PRKACA: variants seen among roughly 807,000 people sequenced by gnomAD.
PRKACA encodes the protein protein kinase cAMP-activated catalytic subunit alpha, also known as cAMP-dependent protein kinase catalytic subunit alpha.
A neutral mutation model predicts 45.8 loss-of-function variants in PRKACA; 9 were observed. That is an observed-to-expected ratio of 0.20 (90% CI 0.12 to 0.34). The LOEUF (loss-of-function observed/expected upper bound fraction) is 0.34, where lower values mean the gene tolerates loss of function less well. PRKACA is among the 10% of genes least tolerant of loss of function. The pLI, the probability that PRKACA is intolerant of heterozygous loss-of-function variation, is 1.00. For synonymous variants in PRKACA, 160 were observed against 178.6 expected (o/e 0.90, Z 0.83); for missense variants, 238 against 458.6 (o/e 0.52, Z 4.39).
At chr19:14,093,593 C>A in intron 9 of PRKACA, 35 bp downstream of exon 9, 1 of 1,599,188 alleles carries the variant, frequency 6.3e-7, no homozygotes, top group South Asian at 1.1e-5. Context: ...GGCCTGCTCC[C>A]AAACCCTCAG....
At chr19:14,114,319 T>A (rs1967060738) in intron 1 of PRKACA, 1 of 873,352 alleles carries the variant, frequency 1.1e-6, no homozygotes, top group Admixed American at 2.2e-5. Context: ...GGCCACTGGG[T>A]GTGGAGGAGG....
intron 2 of PRKACA, 71 bp from the exon 3 acceptor site, chr19:14,106,959 T>TC: frequency 6.4e-7 from 1 of 1,571,056 alleles, no homozygotes; most frequent in African/African-American, 1.4e-5. Context: ...GTCTGGGGCA[T>TC]CCCCTCTGCC....
Position 14,093,713 on chromosome 19 carries a change from A to G in PRKACA, c.845T>C (p.Phe282Ser). ...NLLQVDLTKRFGNLKNGVNDI... is the reference protein window; with the variant it reads ...NLLQVDLTKRSGNLKNGVNDI... ...GTTGACCCCATTCTTGAGGTTCCCA[A>G]AGCGCTTGGTGAGATCTACCTGCAG... Residue 282 changes from phenylalanine (F) to serine (S), a missense_variant, in exon 9 of 10, where the codon TTT becomes TCT. Phe to Ser is a radical substitution (Grantham distance 155, BLOSUM62 -2). Coordinates refer to ENST00000308677, the MANE Select transcript of PRKACA (RefSeq NM_002730.4). 1 of 1,614,028 alleles carries G rather than the reference A, an allele frequency of 6.2e-7. No homozygotes were observed. The highest frequency in any genetic ancestry group is 8.5e-7 in the Non-Finnish European group (1 of 1,179,976).
intron 1 of PRKACA, among the ~76,000 whole-genome samples, chr19:14,111,345 T>A (rs1398274736): frequency 6.6e-6 from 1 of 151,074 alleles, no homozygotes; most frequent in Non-Finnish European, 1.5e-5. Context: ...TGCAGTGGGC[T>A]CAGATCGCGC....
intron 2 of PRKACA, 120 bp from the exon 3 acceptor site, chr19:14,107,008 G>A (rs895392465): frequency 1.3e-5 from 17 of 1,326,916 alleles, no homozygotes; most frequent in African/African-American, 7.4e-5. Flanking sequence ...TGGGGTCAGC[G>A]GGGTGAGGAC....
intron 2 of PRKACA, 108 bp from the exon 3 acceptor site, chr19:14,106,996 C>CCCCCTCTGCCACCGGCA: frequency 6.9e-7 from 1 of 1,443,830 alleles, no homozygotes; most frequent in Non-Finnish European, 9.4e-7. Flanking sequence ...CCGGGGAGCA[C>CCCCCTCTGCCACCGGCA]GTGGGGTCAG....
intron 1 of PRKACA, among the ~76,000 whole-genome samples, chr19:14,116,489 C>G (rs1440889330): frequency 6.6e-6 from 1 of 152,160 alleles, no homozygotes; most frequent in African/African-American, 2.4e-5. Context: ...TCAGTTAGAA[C>G]CGAATGAACC....
In PRKACA at chr19:14,100,936, C is replaced by T. The variant is rs371458741; in HGVS notation, c.337-28G>A. 4 of 1,604,040 alleles carry T rather than the reference C, an allele frequency of 2.5e-6. No homozygotes were observed. In the African/African-American group the frequency reaches 5.4e-5, roughly 21 times the overall value. ...GTGGGAAGCAGTGGCTGGTCAAGGG[C>T]CCACCCCTGAGACTTGGACCCGATC... On this transcript the variant is annotated intron_variant, in intron 4 of 9. Coordinates refer to ENST00000308677, the MANE Select transcript of PRKACA (RefSeq NM_002730.4).
intron 5 of PRKACA, among the ~76,000 whole-genome samples, chr19:14,098,838 A>T (rs1282497056): frequency 1.3e-5 from 2 of 148,934 alleles, no homozygotes; most frequent in East Asian, 3.9e-4. Flanking sequence ...AAAAAAAGGG[A>T]TTCAAGGGAA....
chr19:14,102,339 G>T (rs971373593), intron 4 of PRKACA, among the ~76,000 whole-genome samples: 1 of 151,990 alleles, frequency 6.6e-6, no homozygotes, highest in African/African-American at 2.4e-5. Flanking sequence ...CACCCAAAAC[G>T]GCTCCCAAAG....
chr19:14,115,848 C>G (rs917822524), intron 1 of PRKACA, among the ~76,000 whole-genome samples: 2 of 152,066 alleles, frequency 1.3e-5, no homozygotes, highest in Non-Finnish European at 2.9e-5. Context: ...CCCAGCTGGC[C>G]TCACCTGCTG....
intron 1 of PRKACA, among the ~76,000 whole-genome samples, chr19:14,110,262 T>A (rs1049263290): frequency 1.3e-5 from 2 of 151,708 alleles, no homozygotes; most frequent in Non-Finnish European, 2.9e-5. Context: ...GAGGTTGCAG[T>A]GAGCTATGAT....
At chr19:14,099,485 G>A (rs1977377398) in intron 5 of PRKACA, among the ~76,000 whole-genome samples, 1 of 151,392 alleles carries the variant, frequency 6.6e-6, no homozygotes, top group Admixed American at 6.6e-5. Context: ...TGCATCCTAG[G>A]GATGAAGGTG....
In PRKACA at chr19:14,093,041, A is replaced by AC; in HGVS notation, c.*70_*71insG. The AC allele has an allele frequency of 2.0e-6, 1 of 500,030 alleles. No individual in the cohort carries two copies. Among genetic ancestry groups the AC allele is most frequent in the Non-Finnish European group, 3.6e-6 (1 of 278,314 alleles). The allele number at this position is 500,030 out of a possible 1,614,324, so 31.0% of individuals were successfully genotyped here. A position where few individuals can be genotyped will look rare whatever the true frequency, so the allele number is the denominator to read the frequency against. On this transcript the variant is annotated 3_prime_UTR_variant, in exon 10 of 10. Transcript: ENST00000308677. ...CTGGGGCCCTCTGGCTGTTCAATCC[A>AC]ACCCTCCCACCCCCCCGACCAAAAA...
chr19:14,106,028 C>T (rs182345455), intron 3 of PRKACA, among the ~76,000 whole-genome samples: 46 of 152,138 alleles, frequency 3.0e-4, no homozygotes, highest in Admixed American at 9.8e-4. Flanking sequence ...CTTCTGACCC[C>T]TGGGGCTGGC....
At chr19:14,098,814 GA>G (rs78905737) in intron 5 of PRKACA, among the ~76,000 whole-genome samples, 5,914 of 90,650 alleles carry the variant, frequency 0.065, 341 homozygotes, top group African/African-American at 0.18. Flanking sequence ...TATGTTATTG[GA>G]AAAAAAAAAA....
At chr19:14,106,723 T>C (rs1053906288) in intron 3 of PRKACA, 37 bp downstream of exon 3, 2 of 1,613,208 alleles carry the variant, frequency 1.2e-6, no homozygotes, top group Non-Finnish European at 1.7e-6. Flanking sequence ...GGCAAAGGCC[T>C]GACAGGCAGG....
intron 8 of PRKACA, 113 bp from the exon 9 acceptor site, chr19:14,093,905 T>A: frequency 8.8e-7 from 1 of 1,141,372 alleles, no homozygotes; most frequent in Non-Finnish European, 1.2e-6. Flanking sequence ...CAAAGCAGAG[T>A]GCCTGCCAGC....
At chr19:14,100,969 C>T in intron 4 of PRKACA, 61 bp from the exon 5 acceptor site, 1 of 1,440,656 alleles carries the variant, frequency 6.9e-7, no homozygotes, top group South Asian at 1.1e-5. Flanking sequence ...ATCTGAAGGC[C>T]TTGGGGGCCT....
Sources: gnomAD v4.1 joint callset for allele counts (sites outside exome capture counted in the v4.1 genomes callset) on GRCh38, gnomAD v4.1.1 for gene constraint, MANE v1.5 for transcripts, NCBI Gene and HGNC (gene_info 2026-07-23, HGNC 2026-07-21) for gene names.